The following ZNF200 variants were observed in gnomAD, a reference collection of about 807,000 sequenced individuals.
ZNF200 encodes zinc finger protein 200.
In ZNF200, 35 loss-of-function variants were observed where a neutral mutation model predicts 33.6. The ratio of observed to expected loss-of-function variants is 1.04; its 90% CI spans 0.80 to 1.38. ZNF200 has a LOEUF of 1.38. Among genes scored for constraint, ZNF200 ranks in the 40% most tolerant of loss-of-function variants. The pLI is 0.00. For synonymous variants in ZNF200, 209 were observed against 167.7 expected (o/e 1.25, Z -1.90); for missense variants, 592 against 470.6 (o/e 1.26, Z -2.39).
chr16:3,234,277 A>C (rs1247469875), intron 1 of ZNF200: 1 of 152,746 alleles, frequency 6.5e-6, no homozygotes, highest in Admixed American at 6.6e-5. Flanking sequence ...GTGGCGACAC[A>C]AGCCTGTGGT....
In ZNF200 at chr16:3,232,749, C is replaced by T. The variant is rs576568457; in HGVS notation, c.339+84G>A. 3 of 1,493,054 alleles carry T rather than the reference C, an allele frequency of 2.0e-6. No homozygotes were observed. In the Admixed American group the frequency reaches 5.7e-5, roughly 28 times the overall value. 92.5% of individuals were successfully genotyped at this position (1,493,054 alleles called of 1,614,324 possible). A position where few individuals can be genotyped will look rare whatever the true frequency, so the allele number is the denominator to read the frequency against. On this transcript the variant is annotated intron_variant, in intron 3 of 4. Coordinates refer to ENST00000414144, the MANE Select transcript of ZNF200 (RefSeq NM_198088.3). ...GAAGAAAAACACCCAAGAAGGCCAA[C>T]TCCTAAGAATGTGTTTTTACACACA...
At chr16:3,229,437 A>C (rs1958573637) in intron 4 of ZNF200, among the ~76,000 whole-genome samples, 1 of 152,186 alleles carries the variant, frequency 6.6e-6, no homozygotes, top group African/African-American at 2.4e-5. Flanking sequence ...AATAGAAAAA[A>C]ACTAGTAAGA....
In ZNF200 at chr16:3,224,413, CA is replaced by C; in HGVS notation, c.666del (p.Ile222MetfsTer7). 6.2e-7 allele frequency: 1 copy of C among 1,614,148 alleles called. No homozygotes were observed. The highest frequency in any genetic ancestry group is 8.5e-7 in the Non-Finnish European group (1 of 1,180,018). On this transcript the variant is annotated frameshift_variant, in exon 5 of 5. Coordinates refer to ENST00000414144, the MANE Select transcript of ZNF200 (RefSeq NM_198088.3). LOFTEE classifies it high-confidence loss of function. ...AGTTCCTCTAGAGGAGTATCATTCT[CA>C]ATGGTAACTAACAGATTTCTCATTT... ...KRKMRNLLVT[I>X]ENDTPLEELS... is the part of the protein sequence containing the mutation.
In ZNF200 at chr16:3,223,906, G is replaced by C. The variant is rs138531369; in HGVS notation, c.1174C>G (p.Arg392Gly). The change falls in exon 5 of 5, where the codon CGA becomes GGA. Residue 392 changes from arginine to glycine, a missense_variant. Arg to Gly is a moderately radical substitution (Grantham distance 125). Coordinates refer to ENST00000414144, the MANE Select transcript of ZNF200 (RefSeq NM_198088.3). The stretch of plus-strand genomic sequence containing the variant: ...GGTTCCCAGTATTACTTCTGCTTTC[G>C]GGTCTTACAGGCTGAGTGGGTTTTC... ...HEKTHSACKTRKQK is the reference protein window; with the variant it reads ...HEKTHSACKTGKQK The C allele has an allele frequency of 1.3e-5, 21 of 1,611,058 alleles. No individual in the cohort carries two copies. The highest frequency in any genetic ancestry group is 1.7e-5 in the Non-Finnish European group (20 of 1,178,426).
In ZNF200 at chr16:3,223,619, G is replaced by A; in HGVS notation, c.*273C>T. 3.1e-6 allele frequency: 1 copy of A among 321,702 alleles called. No individual in the cohort carries two copies. Among genetic ancestry groups the A allele is most frequent in the Non-Finnish European group, 5.6e-6 (1 of 178,320 alleles). The allele number at this position is 321,702 out of a possible 1,614,324, so 19.9% of individuals were successfully genotyped here. A position where few individuals can be genotyped will look rare whatever the true frequency, so the allele number is the denominator to read the frequency against. The stretch of plus-strand genomic sequence containing the variant: ...TTCATCTTCAAAGTGTTGGGAAAGG[G>A]GATCTGTGACCTGTACATTATCATA... On this transcript the variant is annotated 3_prime_UTR_variant, in exon 5 of 5. Transcript: ENST00000414144.
chr16:3,228,290 T>C (rs527435184), intron 4 of ZNF200, among the ~76,000 whole-genome samples: 1 of 152,248 alleles, frequency 6.6e-6, no homozygotes, highest in South Asian at 2.1e-4. Flanking sequence ...TGAGAGTACT[T>C]AAGACAAATA....
chr16:3,224,075 T>C lies in ZNF200; in HGVS notation c.1005A>G (p.Ile335Met). 6.2e-7 allele frequency: 1 copy of C among 1,614,188 alleles called. No homozygotes were observed. Among genetic ancestry groups the C allele is most frequent in the Non-Finnish European group, 8.5e-7 (1 of 1,180,038 alleles). Residue 335 changes from isoleucine to methionine, a missense_variant, in exon 5 of 5, where the codon ATA becomes ATG. Transcript: ENST00000414144. ...RHEGIHIREKIFKCPECGKTF... is the reference protein window; with the variant it reads ...RHEGIHIREKMFKCPECGKTF... ...TTTTCCCACATTCTGGACACTTAAA[T>C]ATCTTCTCCCTTATATGGATTCCTT...
intron 4 of ZNF200, chr16:3,227,026 C>T (rs1036274447): frequency 3.3e-5 from 5 of 152,262 alleles, no homozygotes; most frequent in African/African-American, 1.2e-4. Context: ...CTGCAACCTC[C>T]ACCTCCTGGG....
Position 3,223,517 on chromosome 16 carries a change from C to A in ZNF200, c.*375G>T, listed in dbSNP as rs979795045. On this transcript the variant is annotated 3_prime_UTR_variant, in exon 5 of 5. Transcript: ENST00000414144. ...TTTGCACTATTTCTCAAGTATGAATCCCCATGTGGGGGGAAAACGGATATA... is the reference window on the plus strand; with the variant it reads ...TTTGCACTATTTCTCAAGTATGAATACCCATGTGGGGGGAAAACGGATATA... The A allele has an allele frequency of 2.9e-5, 5 of 172,424 alleles. No homozygotes were observed. The highest frequency in any genetic ancestry group is 6.0e-5 in the Admixed American group (1 of 16,776). 10.7% of individuals were successfully genotyped at this position (172,424 alleles called of 1,614,324 possible). A position where few individuals can be genotyped will look rare whatever the true frequency, so the allele number is the denominator to read the frequency against.
At chr16:3,233,879 G>A (rs1045067688) in intron 1 of ZNF200, 43 bp from the exon 2 acceptor site, 11 of 1,461,774 alleles carry the variant, frequency 7.5e-6, no homozygotes, top group African/African-American at 5.7e-5. Context: ...GACCAGGCAC[G>A]GCATTACTGC....
At chr16:3,228,890 A>G (rs1013862792) in intron 4 of ZNF200, among the ~76,000 whole-genome samples, 8 of 152,158 alleles carry the variant, frequency 5.3e-5, no homozygotes, top group Admixed American at 1.3e-4. Flanking sequence ...ACAAATTAAA[A>G]TTGCATATTT....
In ZNF200 at chr16:3,233,669, TTGGCCCAGCTTGGAGTC is replaced by T; in HGVS notation, c.70_86del (p.Asp24ArgfsTer8). On this transcript the variant is annotated frameshift_variant, in exon 2 of 5. Coordinates refer to ENST00000414144, the MANE Select transcript of ZNF200 (RefSeq NM_198088.3). LOFTEE classifies it high-confidence loss of function. ...CGTTAGTGGCATCTCGAAGTAGGTCTTGGCCCAGCTTGGAGTCTGGCGGAACTCTCAGTATAAAGGAC... is the reference window on the plus strand; with the variant it reads ...CGTTAGTGGCATCTCGAAGTAGGTCTTGGCGGAACTCTCAGTATAAAGGAC... The T allele has an allele frequency of 6.2e-7, 1 of 1,613,930 alleles. No homozygotes were observed. Among genetic ancestry groups the T allele is most frequent in the Non-Finnish European group, 8.5e-7 (1 of 1,179,990 alleles).
At chr16:3,234,021 A>G in intron 1 of ZNF200, 185 bp from the exon 2 acceptor site, 1 of 346,202 alleles carries the variant, frequency 2.9e-6, no homozygotes, top group Non-Finnish European at 5.1e-6. Flanking sequence ...GAAGATCCTG[A>G]GAATGAAAAA....
chr16:3,232,068 GA>G (rs1179655885), intron 4 of ZNF200, among the ~76,000 whole-genome samples: 1 of 152,198 alleles, frequency 6.6e-6, no homozygotes, highest in African/African-American at 2.4e-5. Context: ...TCAAAAAGGG[GA>G]GGGGGATTAC....
rs1596330938 is a variant in ZNF200, at chr16:3,222,949, G to A, written c.*943C>T. On this transcript the variant is annotated 3_prime_UTR_variant, in exon 5 of 5. Transcript: ENST00000414144. ...GCCAAAGGTCTGATGACAGCATAGA[G>A]GGGACCTAAGCATATGGTAAGGTTA... 1 of 152,242 alleles carries A rather than the reference G, an allele frequency of 6.6e-6. No homozygotes were observed. The highest frequency in any genetic ancestry group is 1.9e-4 in the East Asian group (1 of 5,204). 9.4% of individuals were successfully genotyped at this position (152,242 alleles called of 1,614,324 possible).
chr16:3,232,463 C>A lies in ZNF200; in HGVS notation c.424G>T (p.Glu142Ter). Reference protein sequence around the residue: ...SLDPTQQLTSEKEDDSSVGEM... With the variant: ...SLDPTQQLTS The stretch of plus-strand genomic sequence containing the variant: ...CCGACACTGCTGTCATCTTCCTTCT[C>A]TGACGTGAGTTGTTGAGTAGGATCC... The change falls in exon 4 of 5, where the codon GAG becomes TAG. Residue 142 changes from glutamate (E) to a stop codon, truncating the protein, a stop_gained. Coordinates refer to ENST00000414144, the MANE Select transcript of ZNF200 (RefSeq NM_198088.3). LOFTEE classifies it high-confidence loss of function. The A allele has an allele frequency of 6.2e-7, 1 of 1,614,138 alleles. No homozygotes were observed. Among genetic ancestry groups the A allele is most frequent in the Non-Finnish European group, 8.5e-7 (1 of 1,180,000 alleles).
chr16:3,231,351 C>T lies in ZNF200; in HGVS notation c.466+1070G>A, dbSNP rs78131219. 5.5e-3 allele frequency among the ~76,000 whole-genome samples: 843 copies of T among 152,232 alleles called. 8 individuals are homozygous for T. Among genetic ancestry groups the T allele is most frequent in the African/African-American group, 0.019 (784 of 41,530 alleles). ...GAAATTAACTACACTCATTACATAC[C>T]AATACTTCTGACCATACGGTATAAT... On this transcript the variant is annotated intron_variant, in intron 4 of 4. Coordinates refer to ENST00000414144, the MANE Select transcript of ZNF200 (RefSeq NM_198088.3).
At chr16:3,224,658 C>A in intron 4 of ZNF200, 45 bp from the exon 5 acceptor site, 1 of 1,525,486 alleles carries the variant, frequency 6.6e-7, no homozygotes. Flanking sequence ...GATATCACAA[C>A]ACCAGGCAGG....
intron 4 of ZNF200, among the ~76,000 whole-genome samples, chr16:3,228,816 A>C (rs2141629319): frequency 6.6e-6 from 1 of 152,298 alleles, no homozygotes; most frequent in South Asian, 2.1e-4. Flanking sequence ...CTGGATTTCA[A>C]CACGAGATTT....
Sources: allele counts gnomAD v4.1 joint callset (sites outside exome capture counted in the v4.1 genomes callset), GRCh38; gene constraint gnomAD v4.1.1; transcripts MANE v1.5; gene names NCBI Gene and HGNC (gene_info 2026-07-23, HGNC 2026-07-21).